Variants in GABRB3 observed in about 807,000 individuals in gnomAD.
The protein encoded by GABRB3 is gamma-aminobutyric acid receptor subunit beta-3.
A neutral mutation model predicts 52.1 loss-of-function variants in GABRB3; 14 were observed. The observed-to-expected ratio is 0.27, with a 90% CI of 0.18 to 0.42. The LOEUF is 0.42. Among genes scored for constraint, GABRB3 ranks in the 10% least tolerant of loss-of-function variants. GABRB3 has a pLI of 1.00. For synonymous variants in GABRB3, 260 were observed against 232.3 expected, an observed-to-expected ratio of 1.12 and a Z score of -1.08; for missense variants, 307 against 609.1, an observed-to-expected ratio of 0.50 and a Z score of 5.22.
At chr15:26,639,309 G>A (rs1377809558) in intron 3 of GABRB3, among the ~76,000 whole-genome samples, 1 of 150,114 alleles carries the variant, frequency 6.7e-6, no homozygotes, top group Non-Finnish European at 1.5e-5. Context: ...TCTCATCTGT[G>A]GAGTCAAACC....
intron 3 of GABRB3, among the ~76,000 whole-genome samples, chr15:26,667,197 G>A (rs986994831): frequency 1.3e-5 from 2 of 152,226 alleles, no homozygotes; most frequent in Non-Finnish European, 2.9e-5. Context: ...TTTCACACCT[G>A]GGTTAGGGCG....
chr15:26,665,862 A>G (rs1302001443), intron 3 of GABRB3, among the ~76,000 whole-genome samples: 1 of 152,250 alleles, frequency 6.6e-6, no homozygotes, highest in Non-Finnish European at 1.5e-5. Flanking sequence ...TACAGAAGAA[A>G]AAGTATAAAC....
At chr15:26,634,215 T>C (rs1324608103) in intron 3 of GABRB3, among the ~76,000 whole-genome samples, 4 of 152,148 alleles carry the variant, frequency 2.6e-5, no homozygotes, top group Non-Finnish European at 5.9e-5. Flanking sequence ...TTTCCTGGGA[T>C]TTGGATGCAT....
At chr15:26,639,855 C>G (rs959072434) in intron 3 of GABRB3, among the ~76,000 whole-genome samples, 2 of 152,172 alleles carry the variant, frequency 1.3e-5, no homozygotes, top group African/African-American at 4.8e-5. Flanking sequence ...TATTCCCTTT[C>G]AGTGATGATG....
At chr15:26,755,911 G>C (rs1890646613) in intron 3 of GABRB3, among the ~76,000 whole-genome samples, 1 of 152,020 alleles carries the variant, frequency 6.6e-6, no homozygotes, top group African/African-American at 2.4e-5. Context: ...TCCAACAATA[G>C]AAAACTACTA....
At chr15:26,617,766 C>A (rs201893166) in intron 4 of GABRB3, among the ~76,000 whole-genome samples, 26,724 of 151,470 alleles carry the variant, frequency 0.18, 2,210 homozygotes, top group African/African-American at 0.25. Flanking sequence ...CTAGAAAACC[C>A]CACTGTCTCA....
intron 3 of GABRB3, among the ~76,000 whole-genome samples, chr15:26,685,099 C>A (rs1888361428): frequency 6.6e-6 from 1 of 152,208 alleles, no homozygotes; most frequent in African/African-American, 2.4e-5. Context: ...TGAAGCATAG[C>A]CTTTCCCTGC....
intron 3 of GABRB3, among the ~76,000 whole-genome samples, chr15:26,724,956 C>A (rs1023768882): frequency 2.0e-5 from 3 of 152,146 alleles, no homozygotes; most frequent in African/African-American, 7.2e-5. Flanking sequence ...AAATTTATGA[C>A]CCTTGACATT....
At chr15:26,772,305 C>G (rs1891170886) in intron 3 of GABRB3, 97 bp downstream of exon 3, 2 of 1,105,202 alleles carry the variant, frequency 1.8e-6, no homozygotes, top group Non-Finnish European at 2.6e-6. Context: ...AAACTCGGCC[C>G]CGGCCGAAGA....
chr15:26,664,392 C>T (rs1264141965), intron 3 of GABRB3, among the ~76,000 whole-genome samples: 1 of 152,096 alleles, frequency 6.6e-6, no homozygotes, highest in African/African-American at 2.4e-5. Context: ...ATACCATGTT[C>T]AGGGTGTTTT....
At chr15:26,571,179 C>T (rs141214824) in intron 6 of GABRB3, among the ~76,000 whole-genome samples, 39 of 151,214 alleles carry the variant, frequency 2.6e-4, no homozygotes, top group African/African-American at 8.7e-4. Flanking sequence ...TTATTTGCTT[C>T]TCTTTGCTTC....
intron 3 of GABRB3, among the ~76,000 whole-genome samples, chr15:26,639,386 A>T (rs1400738522): frequency 6.6e-6 from 1 of 151,878 alleles, no homozygotes; most frequent in Admixed American, 6.6e-5. Flanking sequence ...AAACAGGTAC[A>T]TTTTTTTCCT....
At chr15:26,773,534 GC>G, upstream of GABRB3, 2 of 722,638 alleles carry the variant, frequency 2.8e-6, no homozygotes, top group East Asian at 7.0e-5. Flanking sequence ...GACGACCACC[GC>G]CCGCTGCAGC....
rs1555381705 is a variant in GABRB3 at position 26,747,978 on chromosome 15, T to TTG, written c.240+24423_240+24424insCA. On this transcript the variant is annotated intron_variant, in intron 3 of 8. Transcript: ENST00000311550. Reference sequence around the variant, plus strand: ...TTTTTTTTTTTTTTTTTTTTTTTTTTGCCTACAATTTTTTTCTTTAGCCTG... The same window carrying TTG: ...TTTTTTTTTTTTTTTTTTTTTTTTTTTGGCCTACAATTTTTTTCTTTAGCCTG... Among the ~76,000 whole-genome samples the TTG allele has an allele frequency of 7.7e-4, 53 of 68,860 alleles. 4 individuals carry two copies. The highest frequency in any genetic ancestry group is 7.6e-3 in the East Asian group (18 of 2,362). 45.2% of individuals were successfully genotyped at this position (68,860 alleles called of 152,430 possible).
At position 26,680,097 on chromosome 15, in the gene GABRB3, C is replaced by T. The variant is rs118019040; in HGVS notation, c.241-58563G>A. On this transcript the variant is annotated intron_variant, in intron 3 of 8. Coordinates refer to ENST00000311550, the MANE Select transcript of GABRB3 (RefSeq NM_000814.6). ...AATAGATTTTGAGTAAGGCAGATTC[C>T]CCTCCACGATGAAGGTGGGCCTCAT... Among the ~76,000 whole-genome samples the T allele has an allele frequency of 8.5e-3, 1,287 of 152,200 alleles. 6 individuals are homozygous for T. The highest frequency in any genetic ancestry group is 0.027 in the Middle Eastern group (8 of 292).
intron 3 of GABRB3, among the ~76,000 whole-genome samples, chr15:26,662,531 C>T (rs1887582799): frequency 6.6e-6 from 1 of 152,144 alleles, no homozygotes; most frequent in Non-Finnish European, 1.5e-5. Context: ...TGTAAAACCC[C>T]ATAATAATTA....
chr15:26,747,260 CA>C (rs1047887245), intron 3 of GABRB3, among the ~76,000 whole-genome samples: 3 of 152,136 alleles, frequency 2.0e-5, no homozygotes, highest in Admixed American at 2.0e-4. Flanking sequence ...TCTGTGTGTA[CA>C]AAAATCCTTG....
intron 3 of GABRB3, among the ~76,000 whole-genome samples, chr15:26,696,272 A>G (rs7180777): frequency 0.56 from 85,108 of 151,884 alleles, 25,084 homozygotes; most frequent in East Asian, 0.81. Flanking sequence ...CCTGTTTTTA[A>G]TGCCTCCTGT....
intron 3 of GABRB3, among the ~76,000 whole-genome samples, chr15:26,765,782 G>A (rs1339362003): frequency 6.6e-6 from 1 of 152,132 alleles, no homozygotes; most frequent in Non-Finnish European, 1.5e-5. Context: ...GAAAGAATAA[G>A]TTTTCACAGA....
Sources: gnomAD v4.1 joint callset for allele counts (sites outside exome capture counted in the v4.1 genomes callset) on GRCh38, gnomAD v4.1.1 for gene constraint, MANE v1.5 for transcripts, NCBI Gene and HGNC (gene_info 2026-07-23, HGNC 2026-07-21) for gene names.